MARCHF1: variants seen among roughly 807,000 people sequenced by gnomAD.
The protein encoded by MARCHF1 is membrane associated ring-CH-type finger 1, also known as E3 ubiquitin-protein ligase MARCHF1.
Under a neutral mutation model 54.2 loss-of-function variants are expected in MARCHF1, and 40 were observed. That is an observed-to-expected ratio of 0.74 (90% CI 0.57 to 0.96). The LOEUF (loss-of-function observed/expected upper bound fraction) is 0.96, where lower values mean the gene tolerates loss of function less well. MARCHF1 is among the 40% of genes least tolerant of loss of function. The pLI is 0.00. For missense variants in MARCHF1, 586 were observed against 656.5 expected, an observed-to-expected ratio of 0.89 and a Z score of 1.17; for synonymous variants, 236 against 236.3, an observed-to-expected ratio of 1.00 and a Z score of 0.01.
chr4:164,326,731 C>A (rs1735289979), intron 1 of MARCHF1, among the ~76,000 whole-genome samples: 1 of 152,130 alleles, frequency 6.6e-6, no homozygotes, highest in African/African-American at 2.4e-5. Context: ...TGTTCTGAGG[C>A]AACTAACACA....
intron 7 of MARCHF1, among the ~76,000 whole-genome samples, chr4:163,609,860 G>A (rs1049445209): frequency 2.0e-5 from 3 of 151,884 alleles, no homozygotes; most frequent in Non-Finnish European, 4.4e-5. Flanking sequence ...GAGATCCATT[G>A]AGGGAGTTTG....
At chr4:164,302,812 T>G (rs963388795) in intron 1 of MARCHF1, among the ~76,000 whole-genome samples, 2 of 140,478 alleles carry the variant, frequency 1.4e-5, no homozygotes, top group South Asian at 4.4e-4. Flanking sequence ...GAGGTTGCAG[T>G]GAACCGAGAT....
intron 1 of MARCHF1, among the ~76,000 whole-genome samples, chr4:164,372,357 C>T (rs1298628502): frequency 6.6e-5 from 10 of 152,030 alleles, no homozygotes; most frequent in African/African-American, 1.7e-4. Context: ...AAAAAGATAA[C>T]AGAGACTCTA....
Position 163,769,966 on chromosome 4 carries a change from C to T in MARCHF1, c.112-69103G>A, listed in dbSNP as rs1185346364. 2.0e-5 allele frequency among the ~76,000 whole-genome samples: 3 copies of T among 152,054 alleles called. No individual in the cohort carries two copies. In the South Asian group the frequency reaches 6.2e-4, roughly 32 times the overall value. On this transcript the variant is annotated intron_variant, in intron 4 of 9. Transcript: ENST00000514618. ...CCCCCTTTTCCTTTTTCTCCTCAACCTACTCATCATGAAGACAATGAGAAT... is the reference window on the plus strand; with the variant it reads ...CCCCCTTTTCCTTTTTCTCCTCAACTTACTCATCATGAAGACAATGAGAAT...
chr4:163,635,497 A>G (rs1742282010), intron 5 of MARCHF1, among the ~76,000 whole-genome samples: 1 of 147,138 alleles, frequency 6.8e-6, no homozygotes, highest in Non-Finnish European at 1.5e-5. Flanking sequence ...AATCTAGAAG[A>G]AATGGATAAA....
chr4:164,356,364 C>G (rs1185167821), intron 1 of MARCHF1, among the ~76,000 whole-genome samples: 1 of 141,502 alleles, frequency 7.1e-6, no homozygotes, highest in Admixed American at 7.1e-5. Context: ...TTGGAACCAA[C>G]CCAAATGTCC....
At chr4:163,536,545 C>T (rs993927652) in intron 9 of MARCHF1, among the ~76,000 whole-genome samples, 5 of 152,094 alleles carry the variant, frequency 3.3e-5, no homozygotes, top group Admixed American at 6.6e-5. Flanking sequence ...ATAATCTTGA[C>T]GAGCACAGAA....
chr4:163,530,820 A>G (rs1208507341), intron 9 of MARCHF1: 1 of 151,932 alleles, frequency 6.6e-6, no homozygotes, highest in Admixed American at 6.6e-5. Flanking sequence ...TATGACTTGA[A>G]TAATTCATAG....
intron 3 of MARCHF1, among the ~76,000 whole-genome samples, chr4:163,950,506 T>C (rs1048749913): frequency 5.9e-5 from 9 of 151,948 alleles, no homozygotes; most frequent in Non-Finnish European, 2.9e-5. Flanking sequence ...TCCCAGAGAG[T>C]GTAGAGATGT....
At chr4:164,319,043 A>G (rs941602836) in intron 1 of MARCHF1, among the ~76,000 whole-genome samples, 26 of 152,170 alleles carry the variant, frequency 1.7e-4, no homozygotes, top group Admixed American at 1.6e-3. Context: ...GTGGACCCCA[A>G]AGATAATCAC....
At chr4:164,149,015 C>A (rs1247733260) in intron 1 of MARCHF1, among the ~76,000 whole-genome samples, 3 of 152,126 alleles carry the variant, frequency 2.0e-5, no homozygotes, top group Non-Finnish European at 4.4e-5. Context: ...GCAGGTCTTT[C>A]ATGGATGGGT....
At chr4:164,244,420 A>G (rs1160611666) in intron 1 of MARCHF1, among the ~76,000 whole-genome samples, 1 of 151,716 alleles carries the variant, frequency 6.6e-6, no homozygotes, top group African/African-American at 2.4e-5. Flanking sequence ...GAGAACAAAG[A>G]CACAACATAC....
At chr4:163,833,362 CA>C (rs999228526) in intron 4 of MARCHF1, among the ~76,000 whole-genome samples, 70 of 152,190 alleles carry the variant, frequency 4.6e-4, no homozygotes, top group African/African-American at 1.6e-3. Flanking sequence ...CCAAAATTGA[CA>C]AATGGGATCT....
chr4:164,077,183 T>C (rs1051139357), intron 2 of MARCHF1, among the ~76,000 whole-genome samples: 1 of 152,070 alleles, frequency 6.6e-6, no homozygotes, highest in Non-Finnish European at 1.5e-5. Flanking sequence ...AAAACAGATA[T>C]ATAGACCAAT....
rs1579373726 is a variant in MARCHF1, at chr4:163,894,918, T to TATATAC, written c.-38-40750_-38-40749insGTATAT. Among the ~76,000 whole-genome samples, 13 of 48,718 alleles carry TATATAC rather than the reference T, an allele frequency of 2.7e-4. 3 individuals carry two copies. Among genetic ancestry groups the TATATAC allele is most frequent in the East Asian group, 2.3e-3 (2 of 888 alleles). 32.0% of individuals were successfully genotyped at this position (48,718 alleles called of 152,430 possible). A position where few individuals can be genotyped will look rare whatever the true frequency, so the allele number is the denominator to read the frequency against. ...TATGCATGTGATGCATATATATATATATGCATGTGATGCATATATATATAT... is the reference window on the plus strand; with the variant it reads ...TATGCATGTGATGCATATATATATATATATACATGCATGTGATGCATATATATATAT... On this transcript the variant is annotated intron_variant, in intron 3 of 9. Coordinates refer to ENST00000514618, the MANE Select transcript of MARCHF1 (RefSeq NM_001394959.1).
At chr4:164,264,792 C>T (rs1381175037) in intron 1 of MARCHF1, among the ~76,000 whole-genome samples, 4 of 151,852 alleles carry the variant, frequency 2.6e-5, no homozygotes, top group African/African-American at 9.7e-5. Flanking sequence ...TGGTGGCAGG[C>T]ACCTGTAATA....
intron 3 of MARCHF1, among the ~76,000 whole-genome samples, chr4:163,887,705 A>G (rs953200761): frequency 1.3e-5 from 2 of 152,188 alleles, no homozygotes; most frequent in Admixed American, 6.5e-5. Context: ...AAGAAAATCA[A>G]TTTGGCTGTT....
chr4:163,976,795 T>A (rs1159349729), intron 3 of MARCHF1, among the ~76,000 whole-genome samples: 2 of 152,158 alleles, frequency 1.3e-5, no homozygotes, highest in East Asian at 3.9e-4. Context: ...CTTCTAAACA[T>A]CTCAAATCAC....
At chr4:164,197,661 A>G (rs759420120) in intron 1 of MARCHF1, 28 of 1,612,812 alleles carry the variant, frequency 1.7e-5, no homozygotes, top group Non-Finnish European at 2.4e-5. Context: ...CTTTCACATC[A>G]GAGGGCGCCC....
Sources: gnomAD v4.1 joint callset for allele counts (sites outside exome capture counted in the v4.1 genomes callset) on GRCh38, gnomAD v4.1.1 for gene constraint, MANE v1.5 for transcripts, NCBI Gene and HGNC (gene_info 2026-07-23, HGNC 2026-07-21) for gene names.